Variants in DNAH11 observed in about 807,000 individuals in gnomAD.
DNAH11 encodes axonemal beta dynein heavy chain 11.
In DNAH11, 442 loss-of-function variants were observed where a neutral mutation model predicts 526.0. The observed-to-expected ratio is 0.84, with a 90% CI of 0.78 to 0.91. The LOEUF is 0.91. Ranked by LOEUF, DNAH11 falls within the 40% of genes least tolerant of loss-of-function variation. DNAH11 has a pLI of 0.00. For missense variants in DNAH11, 6,989 were observed against 5,448.7 expected, an observed-to-expected ratio of 1.28 and a Z score of -8.90; for synonymous variants, 2,461 against 1,935.9, an observed-to-expected ratio of 1.27 and a Z score of -7.12.
intron 48 of DNAH11, among the ~76,000 whole-genome samples, chr7:21,740,733 T>C (rs1275651961): frequency 6.6e-6 from 1 of 152,216 alleles, no homozygotes; most frequent in Non-Finnish European, 1.5e-5. Context: ...CTTTGGGGTG[T>C]ACACCCAGCA....
chr7:21,545,801 T>C (rs541807838), intron 2 of DNAH11, among the ~76,000 whole-genome samples: 41 of 152,240 alleles, frequency 2.7e-4, no homozygotes, highest in Admixed American at 1.9e-3. Flanking sequence ...TTCTAACCTG[T>C]TGCTGATGCT....
At chr7:21,779,241 C>A in intron 57 of DNAH11, 137 bp downstream of exon 57, 2 of 1,053,140 alleles carry the variant, frequency 1.9e-6, no homozygotes, top group Non-Finnish European at 2.6e-6. Context: ...CATGTAACAG[C>A]ATTTCACACC....
intron 42 of DNAH11, among the ~76,000 whole-genome samples, chr7:21,712,720 C>T (rs897518362): frequency 7.9e-5 from 12 of 152,086 alleles, no homozygotes; most frequent in Admixed American, 6.5e-5. Flanking sequence ...AGTTTTTAAT[C>T]GGTGCTTTTT....
Position 21,749,640 on chromosome 7 carries a change from C to G in DNAH11, c.8674-38C>G, listed in dbSNP as rs764008941. ...ACACAACCTCTCAACGCCGCATCAGCATTTTAACAAAACATGAGTGATGGC... is the reference window on the plus strand; with the variant it reads ...ACACAACCTCTCAACGCCGCATCAGGATTTTAACAAAACATGAGTGATGGC... On this transcript the variant is annotated intron_variant, in intron 52 of 81. Transcript: ENST00000409508. The G allele has an allele frequency of 9.3e-6, 15 of 1,611,344 alleles. No individual in the cohort carries two copies. The East Asian group carries it at 1.1e-4, about 12-fold the overall frequency.
At chr7:21,800,506 C>T (rs1226319210) in intron 61 of DNAH11, among the ~76,000 whole-genome samples, 1 of 152,102 alleles carries the variant, frequency 6.6e-6, no homozygotes, top group Non-Finnish European at 1.5e-5. Context: ...GTGGTGCACA[C>T]CTGTAATCCC....
In DNAH11 at chr7:21,558,824, A is replaced by G. The variant is rs1274536065; in HGVS notation, c.518A>G (p.Asn173Ser). The G allele has an allele frequency of 1.9e-6, 3 of 1,586,900 alleles. No individual in the cohort carries two copies. The highest frequency in any genetic ancestry group is 2.4e-5 in the South Asian group (2 of 84,016). The change falls in exon 3 of 82, where the codon AAT becomes AGT. Residue 173 changes from asparagine (N) to serine (S), a missense_variant. Asn to Ser is a conservative substitution (Grantham distance 46). Coordinates refer to ENST00000409508, the MANE Select transcript of DNAH11 (RefSeq NM_001277115.2). Reference sequence around the variant, plus strand: ...TAGATTTTAGTGCCAGTTCTTTCTAATAAGAACAACCATAAGTCCTGGTCC... The same window carrying G: ...TAGATTTTAGTGCCAGTTCTTTCTAGTAAGAACAACCATAAGTCCTGGTCC... Reference protein sequence around the residue: ...LDEILVPVLSNKNNHKSWSCF... With the variant: ...LDEILVPVLSSKNNHKSWSCF...
rs1052513422 is a variant in DNAH11, at chr7:21,818,482, A to C, written c.10691+143A>C. On this transcript the variant is annotated intron_variant, in intron 65 of 81. Transcript: ENST00000409508. The stretch of plus-strand genomic sequence containing the variant: ...TTTCATGCACCTACACTCCAAGACC[A>C]AAGCAACTGCAACATTATCCAGACT... 5 of 771,280 alleles carry C rather than the reference A, an allele frequency of 6.5e-6. No individual in the cohort carries two copies. In the African/African-American group the frequency reaches 7.4e-5, roughly 11 times the overall value. The allele number at this position is 771,280 out of a possible 1,614,324, so 47.8% of individuals were successfully genotyped here.
chr7:21,809,754 T>C (rs1789427123), intron 63 of DNAH11, among the ~76,000 whole-genome samples: 1 of 151,574 alleles, frequency 6.6e-6, no homozygotes, highest in Non-Finnish European at 1.5e-5. Context: ...TTAGTAGAGA[T>C]AGGGTTTTAC....
intron 18 of DNAH11, among the ~76,000 whole-genome samples, chr7:21,603,387 T>G (rs938412555): frequency 2.0e-5 from 3 of 152,234 alleles, no homozygotes; most frequent in Non-Finnish European, 4.4e-5. Context: ...TGTATTTATT[T>G]GAGTATCTGT....
intron 8 of DNAH11, among the ~76,000 whole-genome samples, chr7:21,573,506 T>A (rs1018472538): frequency 6.6e-5 from 10 of 152,168 alleles, no homozygotes; most frequent in African/African-American, 2.4e-4. Context: ...TGACCATTAC[T>A]TTTTTAAAAA....
intron 49 of DNAH11, among the ~76,000 whole-genome samples, chr7:21,743,035 C>T (rs6960910): frequency 0.013 from 1,982 of 152,302 alleles, 46 homozygotes; most frequent in African/African-American, 0.045. Flanking sequence ...GCACCCCTTT[C>T]ATTAGATCAC....
At chr7:21,561,656 T>C (rs1055098733) in intron 5 of DNAH11, among the ~76,000 whole-genome samples, 13 of 152,316 alleles carry the variant, frequency 8.5e-5, no homozygotes, top group Admixed American at 6.5e-4. Context: ...TGCATGCATC[T>C]TGTTACAAAC....
chr7:21,828,109 C>T (rs151012366), intron 65 of DNAH11, among the ~76,000 whole-genome samples: 4,777 of 152,122 alleles, frequency 0.031, 120 homozygotes, highest in Non-Finnish European at 0.049. Context: ...CCACCATGCG[C>T]GGCTAATTTT....
At chr7:21,815,762 C>G (rs1388171179) in intron 63 of DNAH11, among the ~76,000 whole-genome samples, 1 of 152,134 alleles carries the variant, frequency 6.6e-6, no homozygotes, top group Non-Finnish European at 1.5e-5. Flanking sequence ...TTCTTTAATA[C>G]AATTTTTGCC....
At position 21,866,373 on chromosome 7, in the gene DNAH11, G is replaced by GT. The variant is rs896340443; in HGVS notation, c.11497-90dup. ...AGGAGAGTGAATACTATCCAGCACA[G>GT]TTTTTTTACATAAGATTAGATACAT... is the stretch of plus-strand genomic sequence containing the variant. On this transcript the variant is annotated intron_variant, in intron 70 of 81. Coordinates refer to ENST00000409508, the MANE Select transcript of DNAH11 (RefSeq NM_001277115.2). The GT allele has an allele frequency of 1.9e-4, 228 of 1,220,930 alleles. No homozygotes were observed. The Middle Eastern group carries it at 2.0e-3, about 11-fold the overall frequency. 75.6% of individuals were successfully genotyped at this position (1,220,930 alleles called of 1,614,324 possible).
chr7:21,774,826 A>G (rs1018322697), intron 56 of DNAH11, among the ~76,000 whole-genome samples: 3 of 152,164 alleles, frequency 2.0e-5, no homozygotes, highest in Non-Finnish European at 2.9e-5. Context: ...ATTCTGAGCC[A>G]GTCAGGACTT....
At chr7:21,766,973 A>G (rs1354902944) in intron 55 of DNAH11, among the ~76,000 whole-genome samples, 1 of 152,220 alleles carries the variant, frequency 6.6e-6, no homozygotes, top group African/African-American at 2.4e-5. Context: ...CGTTTCCACA[A>G]ATAAATGAAA....
rs34356379 is a variant in DNAH11, at chr7:21,612,554, CAAAAAAAAAA to C, written c.3853-2547_3853-2538del. ...TGGGCGACAGAGTGAGGCTCCGTCTCAAAAAAAAAAAAAAAAAAAAAAGAGACTAAGAAGC... is the reference window on the plus strand; with the variant it reads ...TGGGCGACAGAGTGAGGCTCCGTCTCAAAAAAAAAAAAGAGACTAAGAAGC... On this transcript the variant is annotated intron_variant, in intron 20 of 81. Transcript: ENST00000409508. 2.3e-4 allele frequency among the ~76,000 whole-genome samples: 19 copies of C among 81,242 alleles called. 1 individual carries two copies. Among genetic ancestry groups the C allele is most frequent in the African/African-American group, 7.3e-4 (14 of 19,234 alleles). 53.3% of individuals were successfully genotyped at this position (81,242 alleles called of 152,430 possible).
At chr7:21,683,971 T>A in intron 32 of DNAH11, 27 bp downstream of exon 32, 1 of 1,608,318 alleles carries the variant, frequency 6.2e-7, no homozygotes. Context: ...TCCGTCCAGA[T>A]AGGAAAAACA....
Sources: gnomAD v4.1 joint callset for allele counts (sites outside exome capture counted in the v4.1 genomes callset) on GRCh38, gnomAD v4.1.1 for gene constraint, MANE v1.5 for transcripts, NCBI Gene and HGNC (gene_info 2026-07-23, HGNC 2026-07-21) for gene names.